The following BMS1 variants were observed in gnomAD, a reference collection of about 807,000 sequenced individuals.
BMS1 encodes the protein ribosome biogenesis protein BMS1 homolog.
Under a neutral mutation model 138.7 loss-of-function variants are expected in BMS1, and 53 were observed. The observed-to-expected ratio is 0.38, with a 90% confidence interval of 0.31 to 0.48. The LOEUF (loss-of-function observed/expected upper bound fraction) is 0.48. Among genes scored for constraint, BMS1 ranks in the 20% least tolerant of loss-of-function variants. The pLI is 0.97. For missense variants in BMS1, 1,360 were observed against 1,565.5 expected, an observed-to-expected ratio of 0.87 and a Z score of 2.22; for synonymous variants, 504 against 539.9, an observed-to-expected ratio of 0.93 and a Z score of 0.92.
In BMS1 at chr10:42,796,562, G is replaced by A; in HGVS notation, c.1318G>A (p.Gly440Arg). The A allele has an allele frequency of 1.9e-6, 3 of 1,614,202 alleles. No homozygotes were observed. The highest frequency in any genetic ancestry group is 1.7e-6 in the Non-Finnish European group (2 of 1,180,038). ...CATTTTCGGAGATGAAGATGAATCT[G>A]GAGATAGTGATGATGAAGAAGATGA... ...KAIFGDEDES[G>R]DSDDEEDDEM... The change falls in exon 10 of 23, where the codon GGA (glycine) becomes AGA (arginine). Residue 440 changes from glycine (G) to arginine (R), a missense_variant. By Grantham distance (125) the Gly-to-Arg change is moderately radical. This residue lies in a region of BMS1 where 697 missense variants were observed against 686.2 expected (regional missense o/e 1.02). Coordinates refer to ENST00000374518, the MANE Select transcript of BMS1 (RefSeq NM_014753.4).
At chr10:42,810,301 A>C (rs1300697577) in intron 13 of BMS1, among the ~76,000 whole-genome samples, 9 of 152,216 alleles carry the variant, frequency 5.9e-5, no homozygotes, top group Admixed American at 5.9e-4. Flanking sequence ...ATGAATACCC[A>C]GTCATCACAC....
chr10:42,806,412 T>C (rs879815109), intron 13 of BMS1, among the ~76,000 whole-genome samples: 2 of 152,264 alleles, frequency 1.3e-5, no homozygotes, highest in Non-Finnish European at 2.9e-5. Flanking sequence ...TGCTTTGTCC[T>C]GATTTTGCTT....
intron 18 of BMS1, among the ~76,000 whole-genome samples, chr10:42,821,351 G>T (rs1400635040): frequency 6.6e-6 from 1 of 151,920 alleles, no homozygotes; most frequent in African/African-American, 2.4e-5. Context: ...AGTCAGGCAG[G>T]GCAGGGTTTA....
In BMS1 at chr10:42,823,717, G is replaced by A. The variant is rs181558197; in HGVS notation, c.3389G>A (p.Arg1130Gln). Residue 1130 changes from arginine (R) to glutamine (Q), a missense_variant, in exon 21 of 23, where the codon CGG becomes CAG. Coordinates refer to ENST00000374518, the MANE Select transcript of BMS1 (RefSeq NM_014753.4). ...GAGAAAGACACCTGGTCAGGAATGC[G>A]GACCACGGGCCAACTCAGGCTCGCC... is the stretch of plus-strand genomic sequence containing the variant. ...VGEKDTWSGMRTTGQLRLAHG... is the reference protein window; with the variant it reads ...VGEKDTWSGMQTTGQLRLAHG... The A allele has an allele frequency of 9.5e-5, 152 of 1,595,970 alleles. No individual in the cohort carries two copies. In the East Asian group the frequency reaches 3.1e-3, roughly 32 times the overall value.
rs771038945 is a variant in BMS1 at position 42,790,367 on chromosome 10, G to A, written c.492G>A (p.Thr164=). The change falls in exon 5 of 23, where the codon ACG becomes ACA. Residue 164 remains threonine (T), a synonymous_variant. Transcript: ENST00000374518. ...CCAGCTTTGGGTTTGAAATGGAAAC[G>A]TTTGAGTTTCTAAACATCTGTCAAG... ...IDASFGFEME[T]FEFLNICQVH... is the part of the protein sequence containing the mutation. 7.4e-6 allele frequency: 12 copies of A among 1,613,724 alleles called. No individual in the cohort carries two copies. Among genetic ancestry groups the A allele is most frequent in the East Asian group, 4.5e-5 (2 of 44,886 alleles).
In BMS1 at chr10:42,791,734, A is replaced by T. The variant is rs748216179; in HGVS notation, c.744A>T (p.Thr248=). 1 of 1,613,092 alleles carries T rather than the reference A, an allele frequency of 6.2e-7. No individual in the cohort carries two copies. The highest frequency in any genetic ancestry group is 8.5e-7 in the Non-Finnish European group (1 of 1,179,656). Residue 248 remains threonine, a synonymous_variant, in exon 6 of 23, where the codon ACA becomes ACT. Transcript: ENST00000374518. The part of the protein sequence containing the change: ...FITVMKFRPL[T]WQTSHPYILA... ...CAGTTATGAAGTTTAGGCCTCTCAC[A>T]TGGCAAACTTCTCACCCTTATATCC...
At position 42,797,009 on chromosome 10, in the gene BMS1, G is replaced by A. The variant is rs1227984292; in HGVS notation, c.1765G>A (p.Ala589Thr). 2 of 1,614,184 alleles carry A rather than the reference G, an allele frequency of 1.2e-6. No homozygotes were observed. Among genetic ancestry groups the A allele is most frequent in the Non-Finnish European group, 1.7e-6 (2 of 1,180,024 alleles). ...SGHCTAEEVF[A>T]SEDESEESSS... ...GCATTGCACAGCTGAAGAGGTGTTT[G>A]CATCTGAAGATGAATCTGAAGAAAG... Residue 589 changes from alanine (A) to threonine (T), a missense_variant, in exon 10 of 23, where the codon GCA (alanine) becomes ACA (threonine). Physicochemically the swap from Ala to Thr is moderately conservative, Grantham distance 58. Coordinates refer to ENST00000374518, the MANE Select transcript of BMS1 (RefSeq NM_014753.4).
At chr10:42,826,000 C>T (rs576639925) in intron 21 of BMS1, among the ~76,000 whole-genome samples, 1 of 152,258 alleles carries the variant, frequency 6.6e-6, no homozygotes, top group African/African-American at 2.4e-5. Flanking sequence ...TTGTTAAATG[C>T]TTTTTCTGCA....
Position 42,796,793 on chromosome 10 carries a change from G to A in BMS1, c.1549G>A (p.Glu517Lys), listed in dbSNP as rs780348346. 1.5e-5 allele frequency: 24 copies of A among 1,614,206 alleles called. No individual in the cohort carries two copies. The highest frequency in any genetic ancestry group is 1.9e-5 in the Non-Finnish European group (23 of 1,180,032). Residue 517 changes from glutamate to lysine, a missense_variant, in exon 10 of 23, where the codon GAA (glutamate) becomes AAA (lysine). Physicochemically the swap from Glu to Lys is moderately conservative, Grantham distance 56. Around this residue, in one of 3 missense-constraint regions of BMS1, gnomAD observed 697 missense variants for 686.2 expected, o/e 1.02. Transcript: ENST00000374518. Reference protein sequence around the residue: ...DLERSSAEEGEAEEADESSEE... With the variant: ...DLERSSAEEGKAEEADESSEE... ...TGAGAGGAGCTCAGCGGAAGAAGGG[G>A]AAGCGGAGGAAGCTGATGAAAGCAG...
chr10:42,801,083 A>T (rs1405615808), intron 12 of BMS1, among the ~76,000 whole-genome samples: 3 of 152,152 alleles, frequency 2.0e-5, no homozygotes, highest in African/African-American at 7.2e-5. Context: ...GCTTGGAATC[A>T]CCCATAAGAA....
At chr10:42,783,725 C>G (rs1048034773) in intron 1 of BMS1, among the ~76,000 whole-genome samples, 9 of 152,168 alleles carry the variant, frequency 5.9e-5, no homozygotes, top group Non-Finnish European at 1.3e-4. Context: ...CATCTAGAAC[C>G]AGTCCTATCT....
At chr10:42,790,901 C>T (rs1841485845) in intron 5 of BMS1, among the ~76,000 whole-genome samples, 1 of 151,482 alleles carries the variant, frequency 6.6e-6, no homozygotes, top group South Asian at 2.1e-4. Flanking sequence ...CTAGGATTCG[C>T]CTCCTGAATT....
chr10:42,814,755 C>T (rs1842290989), intron 13 of BMS1, among the ~76,000 whole-genome samples: 1 of 152,168 alleles, frequency 6.6e-6, no homozygotes, highest in African/African-American at 2.4e-5. Context: ...TGCTGTTGCC[C>T]ACCTGAGGGA....
At position 42,784,446 on chromosome 10, in the gene BMS1, G is replaced by A. The variant is rs1330197145; in HGVS notation, c.52G>A (p.Ala18Thr). Residue 18 changes from alanine (A) to threonine (T), a missense_variant, in exon 2 of 23, where the codon GCT becomes ACT. Around this residue, in one of 3 missense-constraint regions of BMS1, gnomAD observed 238 missense variants for 311.1 expected, o/e 0.77. Coordinates refer to ENST00000374518, the MANE Select transcript of BMS1 (RefSeq NM_014753.4). Reference sequence around the variant, plus strand: ...CAGAAAGAAAAACAGTGGACCCAAAGCTGCAAAGAAAAAGAAGCGGCTTCT... The same window carrying A: ...CAGAAAGAAAAACAGTGGACCCAAAACTGCAAAGAAAAAGAAGCGGCTTCT... The part of the protein sequence containing the change: ...KHRKKNSGPK[A>T]AKKKKRLLQD... 3 of 1,613,320 alleles carry A rather than the reference G, an allele frequency of 1.9e-6. No individual in the cohort carries two copies. The East Asian group carries it at 6.7e-5, about 36-fold the overall frequency.
chr10:42,791,326 C>T (rs1346353771), intron 5 of BMS1, among the ~76,000 whole-genome samples: 1 of 152,164 alleles, frequency 6.6e-6, no homozygotes, highest in Non-Finnish European at 1.5e-5. Context: ...CCAGGCACTG[C>T]CCCTTCCTTT....
intron 13 of BMS1, among the ~76,000 whole-genome samples, chr10:42,811,766 C>T (rs10900271): frequency 0.37 from 55,903 of 151,014 alleles, 11,035 homozygotes; most frequent in East Asian, 0.63. Flanking sequence ...CCTCGTGATC[C>T]GCCCGCCTCG....
chr10:42,799,653 G>T (rs1005603363), intron 12 of BMS1, among the ~76,000 whole-genome samples: 2 of 152,124 alleles, frequency 1.3e-5, no homozygotes, highest in African/African-American at 4.8e-5. Flanking sequence ...GTTGCCAGAA[G>T]GTGAATATCC....
chr10:42,804,397 G>C (rs1841956233), intron 13 of BMS1, among the ~76,000 whole-genome samples: 1 of 152,148 alleles, frequency 6.6e-6, no homozygotes, highest in Admixed American at 6.5e-5. Flanking sequence ...ATCTTTCCCA[G>C]TACCTGATAG....
intron 13 of BMS1, among the ~76,000 whole-genome samples, chr10:42,805,517 A>G (rs960675408): frequency 6.6e-6 from 1 of 152,214 alleles, no homozygotes; most frequent in African/African-American, 2.4e-5. Context: ...GTCAATTGCT[A>G]TAAAAAAGCC....
Sources: gnomAD v4.1 joint callset for allele counts (sites outside exome capture counted in the v4.1 genomes callset) on GRCh38, gnomAD v4.1.1 for gene constraint, gnomAD v4.1.1 regional missense constraint, MANE v1.5 for transcripts, NCBI Gene and HGNC (gene_info 2026-07-23, HGNC 2026-07-21) for gene names.